The following SSRP1 variants were observed in gnomAD, a reference collection of about 807,000 sequenced individuals.
SSRP1 encodes structure specific recognition protein 1, also known as FACT complex subunit SSRP1.
Under a neutral mutation model 84.4 loss-of-function variants are expected in SSRP1, and 21 were observed. That is an observed-to-expected ratio of 0.25 (90% CI 0.18 to 0.36). SSRP1 has a LOEUF of 0.36. Among genes scored for constraint, SSRP1 ranks in the 10% least tolerant of loss-of-function variants. SSRP1 has a pLI of 1.00. For missense variants in SSRP1, 519 were observed against 900.8 expected (o/e 0.58, Z 5.43); for synonymous variants, 319 against 318.3 (o/e 1.00, Z -0.02).
Position 57,330,002 on chromosome 11 carries a change from ATG to A in SSRP1, c.1481+89_1481+90del. On this transcript the variant is annotated intron_variant, in intron 12 of 16. Coordinates refer to ENST00000278412, the MANE Select transcript of SSRP1 (RefSeq NM_003146.3). This position sits in a 1 kb window ranked among gnomAD's most constrained non-coding sequence, Gnocchi z 4.0. ...CTCTCCCATTCTGGGTCAGTAGCTA[ATG>A]CTGGGACCTGAGAAATGTCCAGAAA... The A allele has an allele frequency of 6.6e-7, 1 of 1,515,966 alleles. No individual in the cohort carries two copies. Among genetic ancestry groups the A allele is most frequent in the Non-Finnish European group, 9.2e-7 (1 of 1,091,242 alleles). 93.9% of individuals were successfully genotyped at this position (1,515,966 alleles called of 1,614,324 possible). A position where few individuals can be genotyped will look rare whatever the true frequency, so the allele number is the denominator to read the frequency against.
intron 3 of SSRP1, among the ~76,000 whole-genome samples, chr11:57,334,136 G>A (rs1316662383): frequency 6.6e-6 from 1 of 152,188 alleles, no homozygotes; most frequent in African/African-American, 2.4e-5. Context: ...CTGGGTGACA[G>A]AGCAAGGCCC....
At position 57,333,167 on chromosome 11, in the gene SSRP1, A is replaced by C; in HGVS notation, c.347-18T>G. The C allele has an allele frequency of 6.3e-7, 1 of 1,593,048 alleles. No homozygotes were observed. Among genetic ancestry groups the C allele is most frequent in the East Asian group, 2.2e-5 (1 of 44,602 alleles). ...CAGCTGCCCTGTGAGGAAAGGGCTT[A>C]TCCAGCCACAAGCTCCTCCCCTTAA... On this transcript the variant is annotated intron_variant, in intron 4 of 16. Transcript: ENST00000278412.
At chr11:57,331,001 C>T in intron 9 of SSRP1, 74 bp from the exon 10 acceptor site, 1 of 1,536,562 alleles carries the variant, frequency 6.5e-7, no homozygotes, top group Non-Finnish European at 9.0e-7. Flanking sequence ...TGTTCTGATT[C>T]CATGAGCTGG....
At chr11:57,328,656 T>G (rs1400540658) in intron 12 of SSRP1, 3 of 515,104 alleles carry the variant, frequency 5.8e-6, no homozygotes, top group African/African-American at 2.0e-5. Context: ...TGATTGGAAT[T>G]AATGAATGAA....
In SSRP1 at chr11:57,330,805, C is replaced by T. The variant is rs1204694331; in HGVS notation, c.1296+50G>A. 18 of 1,613,712 alleles carry T rather than the reference C, an allele frequency of 1.1e-5. No homozygotes were observed. The highest frequency in any genetic ancestry group is 3.3e-4 in the Middle Eastern group (2 of 6,078). On this transcript the variant is annotated intron_variant, in intron 10 of 16. Transcript: ENST00000278412. This position sits in a 1 kb window ranked among gnomAD's most constrained non-coding sequence, Gnocchi z 4.0. ...CCGGAAAAAATCTCCACCCCTTTCT[C>T]CCCTATAGAAAGACCAGGAGAGGGT... is the stretch of plus-strand genomic sequence containing the variant.
At chr11:57,331,641 C>T (rs905307198) in intron 9 of SSRP1, 27 bp downstream of exon 9, 3 of 1,589,194 alleles carry the variant, frequency 1.9e-6, no homozygotes, top group Non-Finnish European at 2.6e-6. Context: ...CCAGGATGCC[C>T]AGGAAGTGAC....
rs757042391 is a variant in SSRP1 at position 57,330,185 on chromosome 11, C to T, written c.1436-47G>A. 31 of 1,614,044 alleles carry T rather than the reference C, an allele frequency of 1.9e-5. No homozygotes were observed. The highest frequency in any genetic ancestry group is 2.7e-5 in the African/African-American group (2 of 74,920). The stretch of plus-strand genomic sequence containing the variant: ...ATCAGCTTCTGCCCCAATGGAAATC[C>T]CCCCACCTCACCCAGGCACCCAGCT... On this transcript the variant is annotated intron_variant, in intron 11 of 16. Transcript: ENST00000278412. This position sits in a 1 kb window ranked among gnomAD's most constrained non-coding sequence, Gnocchi z 4.0.
Position 57,335,433 on chromosome 11 carries a change from T to C in SSRP1, c.-119-193A>G, listed in dbSNP as rs1856195165. The stretch of plus-strand genomic sequence containing the variant: ...TGGAGAACCGGGCCCGGAATACCGC[T>C]GACACCCAACCCGACGCCCGCTCTG... On this transcript the variant is annotated intron_variant, in intron 1 of 16. Coordinates refer to ENST00000278412, the MANE Select transcript of SSRP1 (RefSeq NM_003146.3). This position sits in a 1 kb window ranked among gnomAD's most constrained non-coding sequence, Gnocchi z 4.6. 2.8e-6 allele frequency: 1 copy of C among 351,830 alleles called. No homozygotes were observed. The highest frequency in any genetic ancestry group is 2.6e-5 in the South Asian group (1 of 37,856). 21.8% of individuals were successfully genotyped at this position (351,830 alleles called of 1,614,324 possible). A position where few individuals can be genotyped will look rare whatever the true frequency, so the allele number is the denominator to read the frequency against.
rs1590608691 is a variant in SSRP1, at chr11:57,331,676, G to T, written c.1215C>A (p.Ser405Arg). ...TKQGTQYTFS[S>R]IEREEYGKLF... ...CAGGTGGAGGTTCTCACCTCTCAAT[G>T]CTGCTGAAGGTATACTGAGTGCCCT... Residue 405 changes from serine (S) to arginine (R), a missense_variant, in exon 9 of 17, where the codon AGC becomes AGA. Ser to Arg is a moderately radical substitution (Grantham distance 110). This residue lies in a region of SSRP1 where 16 missense variants were observed against 29.0 expected (regional missense o/e 0.55). Coordinates refer to ENST00000278412, the MANE Select transcript of SSRP1 (RefSeq NM_003146.3). 6.2e-7 allele frequency: 1 copy of T among 1,613,572 alleles called. No homozygotes were observed. The highest frequency in any genetic ancestry group is 2.2e-5 in the East Asian group (1 of 44,874).
intron 8 of SSRP1, 89 bp from the exon 9 acceptor site, chr11:57,331,978 CT>C: frequency 6.7e-7 from 1 of 1,495,694 alleles, no homozygotes; most frequent in Non-Finnish European, 9.1e-7. Flanking sequence ...TGCTCATGTC[CT>C]CGACTAAGTA....
Position 57,334,627 on chromosome 11 carries a change from T to A in SSRP1, c.76A>T (p.Ser26Cys). ...GSMNDGRLRLSRQGIIFKNSK... is the reference protein window; with the variant it reads ...GSMNDGRLRLCRQGIIFKNSK... ...TTCTTGAAGATGATGCCCTGACGGC[T>A]CAACCTCAGTCGACCATCATTCTGT... Residue 26 changes from serine to cysteine, a missense_variant, in exon 3 of 17, where the codon AGC (serine) becomes TGC (cysteine). Physicochemically the swap from Ser to Cys is moderately radical, Grantham distance 112. Transcript: ENST00000278412. 1 of 1,614,150 alleles carries A rather than the reference T, an allele frequency of 6.2e-7. No homozygotes were observed. The highest frequency in any genetic ancestry group is 8.5e-7 in the Non-Finnish European group (1 of 1,180,048).
chr11:57,334,470 C>T lies in SSRP1; in HGVS notation c.233G>A (p.Arg78Gln). 6.2e-7 allele frequency: 1 copy of T among 1,613,824 alleles called. No individual in the cohort carries two copies. The highest frequency in any genetic ancestry group is 8.5e-7 in the Non-Finnish European group (1 of 1,179,720). ...NGHVYKYDGFRESEFEKLSDF... is the reference protein window; with the variant it reads ...NGHVYKYDGFQESEFEKLSDF... ...AGCCATGGGACATCTCACCGATTCTCGGAAGCCATCATACTTGTAGACATG... is the reference window on the plus strand; with the variant it reads ...AGCCATGGGACATCTCACCGATTCTTGGAAGCCATCATACTTGTAGACATG... Residue 78 changes from arginine to glutamine, a missense_variant, in exon 3 of 17, where the codon CGA becomes CAA. Coordinates refer to ENST00000278412, the MANE Select transcript of SSRP1 (RefSeq NM_003146.3).
At position 57,327,438 on chromosome 11, in the gene SSRP1, T is replaced by A; in HGVS notation, c.1859A>T (p.Glu620Val). The A allele has an allele frequency of 6.2e-7, 1 of 1,614,002 alleles. No homozygotes were observed. The highest frequency in any genetic ancestry group is 8.5e-7 in the Non-Finnish European group (1 of 1,180,008). ...AMKEYEGGRGESSKRDKSKKK... is the reference protein window; with the variant it reads ...AMKEYEGGRGVSSKRDKSKKK... ...TCTCGACACTCACCTCTTAGAAGAC[T>A]CGCCTCGGCCCCCTTCATATTCTTT... Residue 620 changes from glutamate to valine, a missense_variant, in exon 15 of 17, where the codon GAG (glutamate) becomes GTG (valine). Physicochemically the swap from Glu to Val is moderately radical, Grantham distance 121. Transcript: ENST00000278412.
In SSRP1 at chr11:57,326,395, C is replaced by G. The variant is rs1855980552; in HGVS notation, c.*12G>C. ...GTGAGAAGGCAAGCGCAAAGAGAACCTTCCTCCGTTTCTACTCATCGGATC... is the reference window on the plus strand; with the variant it reads ...GTGAGAAGGCAAGCGCAAAGAGAACGTTCCTCCGTTTCTACTCATCGGATC... On this transcript the variant is annotated 3_prime_UTR_variant, in exon 17 of 17. Coordinates refer to ENST00000278412, the MANE Select transcript of SSRP1 (RefSeq NM_003146.3). 2 of 1,613,954 alleles carry G rather than the reference C, an allele frequency of 1.2e-6. No homozygotes were observed. Among genetic ancestry groups the G allele is most frequent in the Non-Finnish European group, 1.7e-6 (2 of 1,179,962 alleles).
intron 12 of SSRP1, chr11:57,329,548 G>A (rs997788801): frequency 6.2e-6 from 1 of 161,122 alleles, no homozygotes; most frequent in African/African-American, 2.4e-5. Flanking sequence ...TTTAATTAAG[G>A]AAATCGGAAG....
Position 57,333,634 on chromosome 11 carries a change from G to T in SSRP1, c.241-94C>A, listed in dbSNP as rs892338315. 5 of 880,472 alleles carry T rather than the reference G, an allele frequency of 5.7e-6. No homozygotes were observed. In the African/African-American group the frequency reaches 6.6e-5, roughly 12 times the overall value. 54.5% of individuals were successfully genotyped at this position (880,472 alleles called of 1,614,324 possible). On this transcript the variant is annotated intron_variant, in intron 3 of 16. Coordinates refer to ENST00000278412, the MANE Select transcript of SSRP1 (RefSeq NM_003146.3). ...TGGGATTATCTATTTCTGAGAAACT[G>T]CCCCAAATAGGCTTTATAAGAAATC...
intron 12 of SSRP1, 21 bp from the exon 13 acceptor site, chr11:57,328,447 C>G (rs1267678309): frequency 6.2e-7 from 1 of 1,613,690 alleles, no homozygotes; most frequent in Non-Finnish European, 8.5e-7. Flanking sequence ...ACAAGCCAGG[C>G]TTAGACTTGA....
rs535315984 is a variant in SSRP1, at chr11:57,326,838, G to C, written c.1923C>G (p.Ser641=). The C allele has an allele frequency of 1.4e-5, 22 of 1,613,950 alleles. No homozygotes were observed. The highest frequency in any genetic ancestry group is 1.9e-5 in the Non-Finnish European group (22 of 1,179,994). Residue 641 remains serine, a synonymous_variant, in exon 16 of 17, where the codon TCC becomes TCG. Coordinates refer to ENST00000278412, the MANE Select transcript of SSRP1 (RefSeq NM_003146.3). The part of the protein sequence containing the change: ...KKVKVKMEKK[S]TPSRGSSSKS... The stretch of plus-strand genomic sequence containing the variant: ...TGGATGATGAGCCCCTAGAGGGCGT[G>C]GATTTCTTTTCCATCTTTACCTTTA...
At chr11:57,331,415 C>T (rs1299185246) in intron 9 of SSRP1, among the ~76,000 whole-genome samples, 1 of 151,792 alleles carries the variant, frequency 6.6e-6, no homozygotes, top group Non-Finnish European at 1.5e-5. Context: ...AGACCAGTAG[C>T]GAAGACATAT....
Sources: allele counts gnomAD v4.1 joint callset (sites outside exome capture counted in the v4.1 genomes callset), GRCh38; gene constraint gnomAD v4.1.1; regional missense constraint gnomAD v4.1.1; non-coding constraint Gnocchi (gnomAD v3.1); transcripts MANE v1.5; gene names NCBI Gene and HGNC (gene_info 2026-07-23, HGNC 2026-07-21).